The following ZNF564 variants were observed in gnomAD, a reference collection of about 807,000 sequenced individuals.
The protein encoded by ZNF564 is zinc finger protein 564.
ZNF564 carries 5 observed loss-of-function variants against 10.5 expected under a neutral mutation model. That is an observed-to-expected ratio of 0.48 (90% CI 0.25 to 1.00). The LOEUF (loss-of-function observed/expected upper bound fraction) is 1.00, where lower values mean the gene tolerates loss of function less well. Ranked by LOEUF, ZNF564 falls within the 50% of genes least tolerant of loss-of-function variation. ZNF564 has a pLI of 0.16. For missense variants in ZNF564, 603 were observed against 669.7 expected (o/e 0.90, Z 1.10); for synonymous variants, 242 against 218.1 (o/e 1.11, Z -0.97).
intron 1 of ZNF564, among the ~76,000 whole-genome samples, chr19:12,531,199 T>C (rs2145068736): frequency 6.6e-6 from 1 of 152,292 alleles, no homozygotes; most frequent in Non-Finnish European, 1.5e-5. Flanking sequence ...CTAACAATGG[T>C]CAAAGTCTTC....
intron 1 of ZNF564, among the ~76,000 whole-genome samples, chr19:12,538,044 A>C (rs2021953994): frequency 6.6e-6 from 1 of 152,068 alleles, no homozygotes; most frequent in African/African-American, 2.4e-5. Context: ...GGCGAATAGT[A>C]GTGGTAAAAG....
intron 3 of ZNF564, 48 bp downstream of exon 3, chr19:12,528,256 T>G: frequency 6.6e-7 from 1 of 1,522,530 alleles, no homozygotes; most frequent in African/African-American, 1.4e-5. Context: ...TAAAATTTCA[T>G]GACATACTAA....
chr19:12,542,682 GAAAGGAAAA>G (rs1456760354), intron 1 of ZNF564, among the ~76,000 whole-genome samples: 5 of 148,370 alleles, frequency 3.4e-5, no homozygotes, highest in African/African-American at 9.9e-5. Context: ...AGGAAGGAAG[GAAAGGAAAA>G]AAAGGAAAGA....
At chr19:12,543,684 A>AC (rs948982929) in intron 1 of ZNF564, among the ~76,000 whole-genome samples, 4 of 148,998 alleles carry the variant, frequency 2.7e-5, no homozygotes, top group African/African-American at 7.3e-5. Context: ...AAAAAAAAAA[A>AC]AAAAAAAAAA....
chr19:12,528,423 G>T, intron 2 of ZNF564, 59 bp from the exon 3 acceptor site: 1 of 1,572,976 alleles, frequency 6.4e-7, no homozygotes, highest in Non-Finnish European at 8.6e-7. Context: ...AAAATGACTA[G>T]ATTCTAAGTT....
chr19:12,527,406 G>C lies in ZNF564; in HGVS notation c.702C>G (p.Phe234Leu). The C allele has an allele frequency of 1.2e-6, 2 of 1,614,086 alleles. No homozygotes were observed. Among genetic ancestry groups the C allele is most frequent in the East Asian group, 4.5e-5 (2 of 44,864 alleles). ...PYECQECAKA[F>L]ISLPSFQRHM... ...GTCTTTGAAAACTTGGAAGAGAAATGAAAGCTTTTGCACATTCCTGACATT... is the reference window on the plus strand; with the variant it reads ...GTCTTTGAAAACTTGGAAGAGAAATCAAAGCTTTTGCACATTCCTGACATT... Residue 234 changes from phenylalanine (F) to leucine (L), a missense_variant, in exon 4 of 4, where the codon TTC becomes TTG. Physicochemically the swap from Phe to Leu is conservative, Grantham distance 22. Coordinates refer to ENST00000339282, the MANE Select transcript of ZNF564 (RefSeq NM_144976.4).
rs938973813 is a variant in ZNF564, at chr19:12,551,463, C to T, written c.-131G>A. The T allele has an allele frequency of 4.9e-6, 7 of 1,427,926 alleles. No homozygotes were observed. Among genetic ancestry groups the T allele is most frequent in the African/African-American group, 1.5e-5 (1 of 67,538 alleles). 88.5% of individuals were successfully genotyped at this position (1,427,926 alleles called of 1,614,324 possible). On this transcript the variant is annotated 5_prime_UTR_variant, in exon 1 of 4. Coordinates refer to ENST00000339282, the MANE Select transcript of ZNF564 (RefSeq NM_144976.4). ...AGCGGAGACCGGAACCCAAACGCAGCGGACACGAAACAGGAAGACCCCGCG... is the reference window on the plus strand; with the variant it reads ...AGCGGAGACCGGAACCCAAACGCAGTGGACACGAAACAGGAAGACCCCGCG...
chr19:12,528,176 T>C, intron 3 of ZNF564, 128 bp downstream of exon 3: 2 of 1,010,366 alleles, frequency 2.0e-6, no homozygotes, highest in South Asian at 1.5e-5. Flanking sequence ...CCACTTTTTC[T>C]TTTTCTGGTG....
At chr19:12,533,339 T>C (rs1330013150) in intron 1 of ZNF564, among the ~76,000 whole-genome samples, 1 of 152,118 alleles carries the variant, frequency 6.6e-6, no homozygotes, top group Non-Finnish European at 1.5e-5. Context: ...TTATCAAAAA[T>C]TAGGGTATGC....
rs774578812 is a variant in ZNF564, at chr19:12,534,485, C to A, written c.4-5789G>T. On this transcript the variant is annotated intron_variant, in intron 1 of 3. Transcript: ENST00000339282. ...TTACTTGTGGGAATGGAAAACAGTG[C>A]ACCTATTTTGGAAGATGGTCAGTTT... 1.7e-4 allele frequency among the ~76,000 whole-genome samples: 26 copies of A among 152,104 alleles called. 1 individual carries two copies. The highest frequency in any genetic ancestry group is 2.5e-4 in the Non-Finnish European group (17 of 68,024).
At chr19:12,532,259 G>A (rs2021818366) in intron 1 of ZNF564, among the ~76,000 whole-genome samples, 1 of 151,492 alleles carries the variant, frequency 6.6e-6, no homozygotes, top group Non-Finnish European at 1.5e-5. Flanking sequence ...TTTTTGGCCG[G>A]GCGCGGTGGC....
chr19:12,533,727 C>CAAAAAGAAAAAAAAAAAAAAAA (rs2021851975), intron 1 of ZNF564, among the ~76,000 whole-genome samples: 1 of 29,182 alleles, frequency 3.4e-5, no homozygotes, highest in Non-Finnish European at 5.5e-5. Flanking sequence ...CTGCTGTCTC[C>CAAAAAGAAAAAAAAAAAAAAAA]AAAAAAAAAA....
intron 1 of ZNF564, among the ~76,000 whole-genome samples, chr19:12,535,976 G>A (rs1196482765): frequency 2.0e-5 from 3 of 146,636 alleles, no homozygotes; most frequent in Non-Finnish European, 4.5e-5. Flanking sequence ...CTGTGCGACT[G>A]CATTCCAGAG....
intron 1 of ZNF564, among the ~76,000 whole-genome samples, chr19:12,541,094 A>T (rs1293528417): frequency 6.8e-6 from 1 of 146,578 alleles, no homozygotes; most frequent in African/African-American, 2.5e-5. Context: ...AAAAAGAAAC[A>T]CAAAAATTAG....
chr19:12,526,681 G>A lies in ZNF564; in HGVS notation c.1427C>T (p.Pro476Leu), dbSNP rs895828665. ...THERTHTGEKPYECKECGKAF... is the reference protein window; with the variant it reads ...THERTHTGEKLYECKECGKAF... Reference sequence around the variant, plus strand: ...TTTCCCACATTCTTTACATTCATAGGGTTTTTCTCCAGTATGAGTTCTTTC... The same window carrying A: ...TTTCCCACATTCTTTACATTCATAGAGTTTTTCTCCAGTATGAGTTCTTTC... The change falls in exon 4 of 4, where the codon CCC (proline) becomes CTC (leucine). Residue 476 changes from proline to leucine, a missense_variant. By Grantham distance (98) the Pro-to-Leu change is moderately conservative (BLOSUM62 -3). Transcript: ENST00000339282. 2.0e-5 allele frequency: 32 copies of A among 1,614,008 alleles called. No individual in the cohort carries two copies. The highest frequency in any genetic ancestry group is 2.3e-5 in the Non-Finnish European group (27 of 1,180,026).
Position 12,527,719 on chromosome 19 carries a change from G to A in ZNF564, c.389C>T (p.Pro130Leu). 6.2e-7 allele frequency: 1 copy of A among 1,614,098 alleles called. No homozygotes were observed. Among genetic ancestry groups the A allele is most frequent in the Non-Finnish European group, 8.5e-7 (1 of 1,180,030 alleles). ...RHIRSHLGHK[P>L]YDYQEYGEKP... ...CTCTCCATATTCCTGATAGTCATATGGTTTGTGTCCAAGGTGAGATCTGAT... is the reference window on the plus strand; with the variant it reads ...CTCTCCATATTCCTGATAGTCATATAGTTTGTGTCCAAGGTGAGATCTGAT... The change falls in exon 4 of 4, where the codon CCA becomes CTA. Residue 130 changes from proline (P) to leucine (L), a missense_variant. Physicochemically the swap from Pro to Leu is moderately conservative, Grantham distance 98. Coordinates refer to ENST00000339282, the MANE Select transcript of ZNF564 (RefSeq NM_144976.4).
intron 1 of ZNF564, among the ~76,000 whole-genome samples, chr19:12,532,583 T>C (rs918688905): frequency 4.8e-5 from 7 of 145,240 alleles, no homozygotes; most frequent in African/African-American, 1.8e-4. Flanking sequence ...AATTAACCAG[T>C]TGGGGTATCA....
At chr19:12,539,048 C>T (rs755802888) in intron 1 of ZNF564, among the ~76,000 whole-genome samples, 1 of 148,324 alleles carries the variant, frequency 6.7e-6, no homozygotes, top group African/African-American at 2.5e-5. Flanking sequence ...GCTAATGTGG[C>T]GCAATCCAGT....
intron 1 of ZNF564, among the ~76,000 whole-genome samples, chr19:12,535,873 C>T (rs868473459): frequency 9.9e-5 from 15 of 151,826 alleles, no homozygotes; most frequent in African/African-American, 3.1e-4. Flanking sequence ...ATTAGCTGGG[C>T]GGAGTGGTGC....
Sources: gnomAD v4.1 joint callset for allele counts (sites outside exome capture counted in the v4.1 genomes callset) on GRCh38, gnomAD v4.1.1 for gene constraint, MANE v1.5 for transcripts, NCBI Gene and HGNC (gene_info 2026-07-23, HGNC 2026-07-21) for gene names.